Variants in SSX3 observed in about 807,000 individuals in gnomAD.
SSX3 encodes SSX family member 3.
SSX3 carries 6 observed loss-of-function variants against 14.8 expected under a neutral mutation model. The ratio of observed to expected loss-of-function variants is 0.41; its 90% CI spans 0.22 to 0.80. SSX3 has a LOEUF of 0.80. Ranked by LOEUF, SSX3 falls within the 30% of genes least tolerant of loss-of-function variation. The probability of loss-of-function intolerance (pLI) is 0.34; values close to 1 mark genes in which losing one functional copy is unlikely to be tolerated. For synonymous variants in SSX3, 55 were observed against 52.9 expected (o/e 1.04, Z -0.18); for missense variants, 163 against 152.2 (o/e 1.07, Z -0.37).
chrX:48,346,602 T>G lies in SSX3; in HGVS notation c.*438A>C. ...TGGTGTGTGTCTGTGTGTGTGTGTG[T>G]GTGTGTGTGGTGTGGTTTGTGTGTG... On this transcript the variant is annotated 3_prime_UTR_variant, in exon 8 of 8. Coordinates refer to ENST00000298396, the MANE Select transcript of SSX3 (RefSeq NM_021014.4). 1 of 276,786 alleles carries G rather than the reference T, an allele frequency of 3.6e-6. No homozygotes were observed. The highest frequency in any genetic ancestry group is 6.4e-6 in the Non-Finnish European group (1 of 155,547). The allele number at this position is 276,786 out of a possible 1,213,427, so 22.8% of individuals were successfully genotyped here.
rs2061265945 is a variant in SSX3, at chrX:48,352,121, C to G, written c.309G>C (p.Arg103Ser). Residue 103 changes from arginine (R) to serine (S), a missense_variant, in exon 5 of 8, where the codon AGG becomes AGC. Coordinates refer to ENST00000298396, the MANE Select transcript of SSX3 (RefSeq NM_021014.4). ...TCACCTTCGGGAAGATTCCCTGGAG[C>G]CTGCCGAAAGTCATCTGAGGACGTT... ...QVQRPQMTFG[R>S]LQGIFPKIMP... 1 of 1,210,111 alleles carries G rather than the reference C, an allele frequency of 8.3e-7. No individual in the cohort carries two copies. The highest frequency in any genetic ancestry group is 1.1e-6 in the Non-Finnish European group (1 of 894,172).
At position 48,346,950 on chromosome X, in the gene SSX3, T is replaced by C; in HGVS notation, c.*90A>G. 1 of 1,192,341 alleles carries C rather than the reference T, an allele frequency of 8.4e-7. No individual in the cohort carries two copies. On this transcript the variant is annotated 3_prime_UTR_variant, in exon 8 of 8. Transcript: ENST00000298396. ...TTGCTTTCACTTGCTATGCACCTGA[T>C]GACGAGGGGTCCACAGCCATGCCCA...
chrX:48,352,913 A>G (rs2146667081), intron 4 of SSX3, among the ~76,000 whole-genome samples: 1 of 111,578 alleles, frequency 9.0e-6, no homozygotes, highest in South Asian at 3.8e-4. Flanking sequence ...ATAAGGGATC[A>G]CTCTTTCAAA....
At chrX:48,348,113 G>A (rs1556948903) in intron 6 of SSX3, 3 of 297,821 alleles carry the variant, frequency 1.0e-5, no homozygotes, top group Non-Finnish European at 1.7e-5. Context: ...TCTTTATTTT[G>A]TGGGTACACA....
At chrX:48,347,397 A>G (rs1444467823) in intron 7 of SSX3, 103 bp downstream of exon 7, 77 of 1,119,842 alleles carry the variant, frequency 6.9e-5, no homozygotes, top group Non-Finnish European at 9.1e-5. Flanking sequence ...AGAAAATTAT[A>G]AGAAGGGAAT....
At position 48,346,581 on chromosome X, in the gene SSX3, GTGTGTC is replaced by G. The variant is rs1203800600; in HGVS notation, c.*453_*458del. 6.9e-4 allele frequency: 68 copies of G among 99,054 alleles called. No homozygotes were observed. Among genetic ancestry groups the G allele is most frequent in the South Asian group, 3.5e-3 (19 of 5,474 alleles). The allele number at this position is 99,054 out of a possible 1,213,427, so 8.2% of individuals were successfully genotyped here. Reference sequence around the variant, plus strand: ...GGAGATGCTTATACTGGTACTTGGTGTGTGTCTGTGTGTGTGTGTGTGTGTGTGTGG... The same window carrying G: ...GGAGATGCTTATACTGGTACTTGGTGTGTGTGTGTGTGTGTGTGTGTGTGG... On this transcript the variant is annotated 3_prime_UTR_variant, in exon 8 of 8. Transcript: ENST00000298396.
At chrX:48,349,062 G>T (rs782548279) in intron 6 of SSX3, among the ~76,000 whole-genome samples, 3 of 112,471 alleles carry the variant, frequency 2.7e-5, no homozygotes, top group Non-Finnish European at 3.8e-5. Context: ...GTGGCTACAC[G>T]AAACAACAGA....
chrX:48,353,207 T>C (rs1358440327), intron 4 of SSX3, among the ~76,000 whole-genome samples: 1 of 110,502 alleles, frequency 9.0e-6, no homozygotes, highest in Non-Finnish European at 1.9e-5. Context: ...GAACAACATG[T>C]CATTTAAAAA....
At position 48,352,098 on chromosome X, in the gene SSX3, A is replaced by G; in HGVS notation, c.330+2T>C. ...GGTCCTTTAGATCTGAAAGATACTC[A>G]CCTTCGGGAAGATTCCCTGGAGCCT... On this transcript the variant is annotated splice_donor_variant, in intron 5 of 7. Transcript: ENST00000298396. LOFTEE classifies it high-confidence loss of function. 1 of 1,208,523 alleles carries G rather than the reference A, an allele frequency of 8.3e-7. No homozygotes were observed. Among genetic ancestry groups the G allele is most frequent in the Non-Finnish European group, 1.1e-6 (1 of 892,846 alleles).
At chrX:48,347,268 G>A (rs1347054102) in intron 7 of SSX3, among the ~76,000 whole-genome samples, 1 of 112,596 alleles carries the variant, frequency 8.9e-6, no homozygotes, top group Admixed American at 9.4e-5. Flanking sequence ...GCATATCAGG[G>A]CTGACCTGGG....
intron 1 of SSX3, among the ~76,000 whole-genome samples, chrX:48,356,283 C>G (rs1221646424): frequency 4.5e-5 from 5 of 111,117 alleles, no homozygotes; most frequent in Non-Finnish European, 9.4e-5. Flanking sequence ...GGGTCTCGCT[C>G]TGTTGCCCAG....
intron 6 of SSX3, 85 bp from the exon 7 acceptor site, chrX:48,347,689 CTT>C: frequency 8.4e-7 from 1 of 1,196,757 alleles, no homozygotes; most frequent in Non-Finnish European, 1.1e-6. Flanking sequence ...GAGATGCCTG[CTT>C]CCTCCCAAGT....
chrX:48,350,532 A>G (rs1444720686), intron 5 of SSX3, among the ~76,000 whole-genome samples: 1 of 111,296 alleles, frequency 9.0e-6, no homozygotes, highest in Admixed American at 9.6e-5. Context: ...ATGTAAAAAC[A>G]TAGGGAGGCG....
chrX:48,346,961 C>T lies in SSX3; in HGVS notation c.*79G>A. ...TGCTATGCACCTGATGACGAGGGGT[C>T]CACAGCCATGCCCATGTTCGTGAAA... On this transcript the variant is annotated 3_prime_UTR_variant, in exon 8 of 8. Transcript: ENST00000298396. 2 of 1,196,813 alleles carry T rather than the reference C, an allele frequency of 1.7e-6. No individual in the cohort carries two copies. Among genetic ancestry groups the T allele is most frequent in the East Asian group, 3.0e-5 (1 of 33,822 alleles).
At chrX:48,349,956 GT>G in intron 6 of SSX3, 30 bp downstream of exon 6, 8 of 1,210,719 alleles carry the variant, frequency 6.6e-6, no homozygotes, top group Non-Finnish European at 8.9e-6. Context: ...AGGGAAGCCA[GT>G]GGGATTGTTC....
intron 1 of SSX3, among the ~76,000 whole-genome samples, chrX:48,356,353 A>G (rs1351620052): frequency 9.1e-6 from 1 of 110,407 alleles, no homozygotes. Context: ...GGTTCAGGCA[A>G]TCCACCAGCT....
rs782638256 is a variant in SSX3 at position 48,350,028 on chromosome X, G to A, written c.425C>T (p.Pro142Leu). The A allele has an allele frequency of 2.6e-5, 31 of 1,209,464 alleles. No homozygotes were observed. The highest frequency in any genetic ancestry group is 6.6e-5 in the Admixed American group (3 of 45,649). The change falls in exon 6 of 8, where the codon CCG becomes CTG. Residue 142 changes from proline (P) to leucine (L), a missense_variant. Transcript: ENST00000298396. ...PQNDGKQLCP[P>L]GKPTTSEKIN... ...CTTCTCAGAGGTAGTTGGTTTTCCCGGGGGGCACAGCTGTTTCCCATCGTT... is the reference window on the plus strand; with the variant it reads ...CTTCTCAGAGGTAGTTGGTTTTCCCAGGGGGCACAGCTGTTTCCCATCGTT...
chrX:48,354,428 C>T (rs1334065219), intron 3 of SSX3, among the ~76,000 whole-genome samples: 1 of 109,396 alleles, frequency 9.1e-6, no homozygotes, highest in Non-Finnish European at 1.9e-5. Context: ...CGTGCAGGAT[C>T]CAGGTATGAG....
chrX:48,355,308 C>G (rs781895685), intron 1 of SSX3, 39 bp from the exon 2 acceptor site: 3 of 1,160,565 alleles, frequency 2.6e-6, no homozygotes, highest in Non-Finnish European at 3.5e-6. Flanking sequence ...AGCCGCAGGA[C>G]CTTTGGTCTT....
Sources: gnomAD v4.1 joint callset for allele counts (sites outside exome capture counted in the v4.1 genomes callset) on GRCh38, gnomAD v4.1.1 for gene constraint, MANE v1.5 for transcripts, NCBI Gene and HGNC (gene_info 2026-07-23, HGNC 2026-07-21) for gene names.